ERCC3: variants seen among roughly 807,000 people sequenced by gnomAD.
The protein encoded by ERCC3 is ERCC excision repair 3, TFIIH core complex helicase subunit.
Under a neutral mutation model 94.2 loss-of-function variants are expected in ERCC3, and 66 were observed. That is an observed-to-expected ratio of 0.70 (90% confidence interval 0.57 to 0.86). ERCC3 has a LOEUF of 0.86. Ranked by LOEUF, ERCC3 falls within the 40% of genes least tolerant of loss-of-function variation. ERCC3 has a pLI of 0.00. For synonymous variants in ERCC3, 349 were observed against 369.1 expected, an observed-to-expected ratio of 0.95 and a Z score of 0.63; for missense variants, 829 against 987.1, an observed-to-expected ratio of 0.84 and a Z score of 2.15.
intron 12 of ERCC3, among the ~76,000 whole-genome samples, chr2:127,266,874 A>G: frequency 6.6e-6 from 1 of 151,030 alleles, no homozygotes; most frequent in Non-Finnish European, 1.5e-5. Flanking sequence ...ATGCCGCCAC[A>G]CTCAGCTAAT....
In ERCC3 at chr2:127,280,373, G is replaced by A. The variant is rs902015190; in HGVS notation, c.1527+74C>T. 2 of 1,340,140 alleles carry A rather than the reference G, an allele frequency of 1.5e-6. No homozygotes were observed. The highest frequency in any genetic ancestry group is 1.2e-5 in the South Asian group (1 of 80,250). 83.0% of individuals were successfully genotyped at this position (1,340,140 alleles called of 1,614,324 possible). The stretch of plus-strand genomic sequence containing the variant: ...AGTCCTGACCTGTGTCTGCCCATGA[G>A]GAATCGATCTGATCACTCCCCTGCC... On this transcript the variant is annotated intron_variant, in intron 9 of 14. Transcript: ENST00000285398. This position sits in a 1 kb window ranked among gnomAD's most constrained non-coding sequence, Gnocchi z 6.3.
Position 127,289,359 on chromosome 2 carries a change from G to C in ERCC3, c.800C>G (p.Thr267Arg). The change falls in exon 6 of 15, where the codon ACA (threonine) becomes AGA (arginine). Residue 267 changes from threonine (T) to arginine (R), a missense_variant. By Grantham distance (71) the Thr-to-Arg change is moderately conservative. Transcript: ENST00000285398. ...KDEEEEEETQ[T>R]VSFEVKQEMI... The stretch of plus-strand genomic sequence containing the variant: ...AACCTGCTTGACTTCAAAAGACACT[G>C]TCTGTGTCTCTTCTTCTTCTTCTTC... The C allele has an allele frequency of 1.9e-6, 3 of 1,613,796 alleles. No homozygotes were observed. The highest frequency in any genetic ancestry group is 2.5e-6 in the Non-Finnish European group (3 of 1,180,012).
intron 12 of ERCC3, among the ~76,000 whole-genome samples, chr2:127,267,429 C>CTT (rs372128714): frequency 2.8e-5 from 4 of 144,172 alleles, no homozygotes; most frequent in South Asian, 2.2e-4. Flanking sequence ...CTGCCCCACT[C>CTT]TTTTTTTTTT....
chr2:127,284,859 AT>A lies in ERCC3; in HGVS notation c.1342+1843del, dbSNP rs968379209. On this transcript the variant is annotated intron_variant, in intron 8 of 14. Transcript: ENST00000285398. The surrounding 1 kb of genome is among the most constrained non-coding windows in gnomAD (Gnocchi z 4.1). ...CCACCACACTTGGCTAATTAAAAAA[AT>A]TTTTTTTTGTAGAGACATGTCTCAC... 2.6e-5 allele frequency among the ~76,000 whole-genome samples: 4 copies of A among 151,282 alleles called. No individual in the cohort carries two copies. Among genetic ancestry groups the A allele is most frequent in the African/African-American group, 4.9e-5 (2 of 41,132 alleles).
In ERCC3 at chr2:127,257,363, T is replaced by C; in HGVS notation, c.*233A>G. ...ACCTTAAATATTAACATTTTTTATA[T>C]ACAGAAATGACCCCACTCCCCAAAA... On this transcript the variant is annotated 3_prime_UTR_variant, in exon 15 of 15. Transcript: ENST00000285398. This position sits in a 1 kb window ranked among gnomAD's most constrained non-coding sequence, Gnocchi z 5.4. 1.7e-6 allele frequency: 1 copy of C among 580,950 alleles called. No individual in the cohort carries two copies. The highest frequency in any genetic ancestry group is 2.0e-5 in the South Asian group (1 of 50,464). 36.0% of individuals were successfully genotyped at this position (580,950 alleles called of 1,614,324 possible).
intron 12 of ERCC3, among the ~76,000 whole-genome samples, chr2:127,266,297 C>T (rs1684358708): frequency 6.9e-6 from 1 of 144,682 alleles, no homozygotes; most frequent in East Asian, 2.0e-4. Context: ...CAAGAAAATG[C>T]TTGGTATGAT....
intron 12 of ERCC3, among the ~76,000 whole-genome samples, chr2:127,269,756 C>A (rs147052016): frequency 0.029 from 4,396 of 150,552 alleles, 208 homozygotes; most frequent in African/African-American, 0.1. Context: ...TAAGGCTAGG[C>A]ACAGTGGCTC....
rs541232970 is a variant in ERCC3, at chr2:127,288,566, G to A, written c.1027+94C>T. ...CCTGATCTTGGCTTTTCAGCAAGGT[G>A]TGATTTAGGGAAATGTGCAGAGAGA... is the stretch of plus-strand genomic sequence containing the variant. On this transcript the variant is annotated intron_variant, in intron 7 of 14. Coordinates refer to ENST00000285398, the MANE Select transcript of ERCC3 (RefSeq NM_000122.2). 3 of 1,091,626 alleles carry A rather than the reference G, an allele frequency of 2.7e-6. No individual in the cohort carries two copies. In the East Asian group the frequency reaches 7.1e-5, roughly 26 times the overall value. 67.6% of individuals were successfully genotyped at this position (1,091,626 alleles called of 1,614,324 possible).
Position 127,279,340 on chromosome 2 carries a change from T to C in ERCC3, c.1563A>G (p.Glu521=), listed in dbSNP as rs765851503. The change falls in exon 10 of 15, where the codon GAA becomes GAG. Residue 521 remains glutamate, a synonymous_variant. Coordinates refer to ENST00000285398, the MANE Select transcript of ERCC3 (RefSeq NM_000122.2). This position sits in a 1 kb window ranked among gnomAD's most constrained non-coding sequence, Gnocchi z 4.7. The stretch of plus-strand genomic sequence containing the variant: ...GTTTCTTGGTTTTGATTGCCACATA[T>C]TCCCGGTAAAATTCAGGAGACATAG... ...WCPMSPEFYR[E]YVAIKTKKRI... is the part of the protein sequence containing the mutation. 1.9e-6 allele frequency: 3 copies of C among 1,614,166 alleles called. No individual in the cohort carries two copies. The South Asian group carries it at 3.3e-5, about 18-fold the overall frequency.
In ERCC3 at chr2:127,279,298, G is replaced by C. The variant is rs750104535; in HGVS notation, c.1605C>G (p.Thr535=). ...IKTKKRILLY[T]MNPNKFRACQ... is the part of the protein sequence containing the mutation. ...AAGCTCTAAATTTGTTGGGGTTCAT[G>C]GTGTACAGCAAGATTCGTTTCTTGG... The change falls in exon 10 of 15, where the codon ACC becomes ACG. Residue 535 remains threonine (T), a synonymous_variant. Transcript: ENST00000285398. This position sits in a 1 kb window ranked among gnomAD's most constrained non-coding sequence, Gnocchi z 4.7. The C allele has an allele frequency of 2.5e-6, 4 of 1,613,954 alleles. No individual in the cohort carries two copies. In the Admixed American group the frequency reaches 5.0e-5, roughly 20 times the overall value.
chr2:127,281,945 A>G (rs533193460), intron 8 of ERCC3, among the ~76,000 whole-genome samples: 6 of 152,294 alleles, frequency 3.9e-5, no homozygotes, highest in Admixed American at 2.6e-4. Context: ...CCAGAGAGGC[A>G]ACACTGGGGG....
intron 12 of ERCC3, among the ~76,000 whole-genome samples, chr2:127,267,285 G>A (rs1475427815): frequency 6.6e-6 from 1 of 152,048 alleles, no homozygotes; most frequent in Admixed American, 6.6e-5. Flanking sequence ...CTCCAATGTT[G>A]GGCGCATATA....
chr2:127,280,762 A>C lies in ERCC3; in HGVS notation c.1343-131T>G. ...GGCTGGTCTTGAACTCCTGGCCTCA[A>C]GCAATCCCCCTGCCTTCGCCTCCCA... is the stretch of plus-strand genomic sequence containing the variant. On this transcript the variant is annotated intron_variant, in intron 8 of 14. Transcript: ENST00000285398. The surrounding 1 kb of genome is among the most constrained non-coding windows in gnomAD (Gnocchi z 6.3). The C allele has an allele frequency of 1.2e-6, 1 of 844,072 alleles. No individual in the cohort carries two copies. The highest frequency in any genetic ancestry group is 1.9e-6 in the Non-Finnish European group (1 of 524,746). The allele number at this position is 844,072 out of a possible 1,614,324, so 52.3% of individuals were successfully genotyped here.
At chr2:127,261,653 T>C (rs1426429761) in intron 12 of ERCC3, 2 of 385,672 alleles carry the variant, frequency 5.2e-6, no homozygotes, top group Non-Finnish European at 9.9e-6. Context: ...TAATTATAAA[T>C]GAGAGAAGAA....
chr2:127,275,774 C>T (rs1684716987), intron 10 of ERCC3, among the ~76,000 whole-genome samples: 1 of 152,198 alleles, frequency 6.6e-6, no homozygotes, highest in African/African-American at 2.4e-5. Flanking sequence ...GAAGAAATAA[C>T]AGCAGATGAG....
In ERCC3 at chr2:127,289,367, C is replaced by T. The variant is rs1553513099; in HGVS notation, c.792G>A (p.Glu264=). Residue 264 remains glutamate, a synonymous_variant, in exon 6 of 15, where the codon GAG becomes GAA. Coordinates refer to ENST00000285398, the MANE Select transcript of ERCC3 (RefSeq NM_000122.2). Reference sequence around the variant, plus strand: ...TGACTTCAAAAGACACTGTCTGTGTCTCTTCTTCTTCTTCTTCATCCTTGT... The same window carrying T: ...TGACTTCAAAAGACACTGTCTGTGTTTCTTCTTCTTCTTCTTCATCCTTGT... The part of the protein sequence containing the change: ...QMDKDEEEEE[E]TQTVSFEVKQ... 1 of 1,613,408 alleles carries T rather than the reference C, an allele frequency of 6.2e-7. No individual in the cohort carries two copies. Among genetic ancestry groups the T allele is most frequent in the Non-Finnish European group, 8.5e-7 (1 of 1,179,756 alleles).
chr2:127,275,128 AG>A (rs1274780185), intron 10 of ERCC3, among the ~76,000 whole-genome samples: 2 of 152,212 alleles, frequency 1.3e-5, no homozygotes, highest in African/African-American at 2.4e-5. Context: ...GAAGGCTGGG[AG>A]GAGCCAAAAG....
chr2:127,259,149 G>C lies in ERCC3; in HGVS notation c.2217+147C>G. 3 of 913,896 alleles carry C rather than the reference G, an allele frequency of 3.3e-6. No individual in the cohort carries two copies. In the South Asian group the frequency reaches 4.2e-5, roughly 13 times the overall value. 56.6% of individuals were successfully genotyped at this position (913,896 alleles called of 1,614,324 possible). On this transcript the variant is annotated intron_variant, in intron 14 of 14. Coordinates refer to ENST00000285398, the MANE Select transcript of ERCC3 (RefSeq NM_000122.2). The surrounding 1 kb of genome is among the most constrained non-coding windows in gnomAD (Gnocchi z 4.9). ...ACACACCAAAAGGGCAACAAGGATTGTTTCTGTTCATCTCTTCCGTGTTTT... is the reference window on the plus strand; with the variant it reads ...ACACACCAAAAGGGCAACAAGGATTCTTTCTGTTCATCTCTTCCGTGTTTT...
intron 10 of ERCC3, among the ~76,000 whole-genome samples, chr2:127,275,874 C>T (rs973340670): frequency 1.3e-5 from 2 of 152,094 alleles, no homozygotes; most frequent in Non-Finnish European, 2.9e-5. Context: ...AAGCTGGAGC[C>T]GGCAGGAGGG....
Sources: allele counts gnomAD v4.1 joint callset (sites outside exome capture counted in the v4.1 genomes callset), GRCh38; gene constraint gnomAD v4.1.1; non-coding constraint Gnocchi (gnomAD v3.1); transcripts MANE v1.5; gene names NCBI Gene and HGNC (gene_info 2026-07-23, HGNC 2026-07-21).